Variants in USP32 observed in about 807,000 individuals in gnomAD.
USP32 encodes the protein ubiquitin carboxyl-terminal hydrolase 32.
Under a neutral mutation model 204.8 loss-of-function variants are expected in USP32, and 59 were observed. The ratio of observed to expected loss-of-function variants is 0.29; its 90% CI spans 0.23 to 0.36. The LOEUF (loss-of-function observed/expected upper bound fraction) is 0.36, where lower values mean the gene tolerates loss of function less well. Among genes scored for constraint, USP32 ranks in the 10% least tolerant of loss-of-function variants. USP32 has a pLI of 1.00. For missense variants in USP32, 1,160 were observed against 1,946.4 expected (o/e 0.60, Z 7.60); for synonymous variants, 517 against 678.4 (o/e 0.76, Z 3.70).
upstream of USP32, chr17:60,392,714 C>G: frequency 2.4e-6 from 1 of 420,982 alleles, no homozygotes; most frequent in Non-Finnish European, 4.8e-6. Flanking sequence ...AGGAGAATCT[C>G]AAGGCTTTCC....
intron 2 of USP32, among the ~76,000 whole-genome samples, chr17:60,326,770 T>G (rs982380516): frequency 1.3e-5 from 2 of 152,204 alleles, no homozygotes; most frequent in Non-Finnish European, 2.9e-5. Context: ...CCAAAGAGAC[T>G]TACTAAGTTT....
At chr17:60,278,826 A>G (rs1339933990) in intron 5 of USP32, among the ~76,000 whole-genome samples, 1 of 152,238 alleles carries the variant, frequency 6.6e-6, no homozygotes, top group South Asian at 2.1e-4. Flanking sequence ...ACTACAGTAT[A>G]GGGGATGGCA....
intron 1 of USP32, among the ~76,000 whole-genome samples, chr17:60,371,413 A>G (rs2089439318): frequency 6.6e-6 from 1 of 152,072 alleles, no homozygotes. Context: ...CTAAAAATAC[A>G]AAAATCAGCC....
chr17:60,345,122 A>G (rs8080658), intron 2 of USP32, among the ~76,000 whole-genome samples: 50,293 of 152,162 alleles, frequency 0.33, 15,191 homozygotes, highest in African/African-American at 0.81. Context: ...TTTACTATAC[A>G]GAAAATTTTC....
At chr17:60,283,315 T>A (rs1298437102) in intron 5 of USP32, among the ~76,000 whole-genome samples, 7 of 152,144 alleles carry the variant, frequency 4.6e-5, no homozygotes, top group Admixed American at 4.6e-4. Flanking sequence ...GGAAATTAAG[T>A]CAAGGATAGG....
At chr17:60,345,108 A>G (rs1305856180) in intron 2 of USP32, among the ~76,000 whole-genome samples, 1 of 152,238 alleles carries the variant, frequency 6.6e-6, no homozygotes, top group African/African-American at 2.4e-5. Context: ...AGAATTAACT[A>G]TGTTTTACTA....
At chr17:60,198,827 C>G (rs2084595274) in intron 26 of USP32, among the ~76,000 whole-genome samples, 1 of 152,174 alleles carries the variant, frequency 6.6e-6, no homozygotes, top group Admixed American at 6.5e-5. Context: ...GAAAATATGC[C>G]AGTAAGCTGG....
At chr17:60,232,707 C>T (rs1161475691) in intron 12 of USP32, among the ~76,000 whole-genome samples, 2 of 151,590 alleles carry the variant, frequency 1.3e-5, no homozygotes, top group South Asian at 2.1e-4. Flanking sequence ...CCACCATACC[C>T]GGCTAATTTT....
At chr17:60,304,783 C>T (rs2087681700) in intron 2 of USP32, 1 of 152,074 alleles carries the variant, frequency 6.6e-6, no homozygotes, top group Non-Finnish European at 1.5e-5. Context: ...AATTACGTGA[C>T]CTTAGTAATC....
At chr17:60,371,650 G>A (rs985399012) in intron 1 of USP32, among the ~76,000 whole-genome samples, 3 of 152,062 alleles carry the variant, frequency 2.0e-5, no homozygotes, top group Non-Finnish European at 2.9e-5. Context: ...ACTTAGTCAA[G>A]GAAATGCAGA....
intron 9 of USP32, among the ~76,000 whole-genome samples, chr17:60,264,809 G>T (rs942120170): frequency 7.5e-6 from 1 of 134,096 alleles, no homozygotes; most frequent in Non-Finnish European, 1.5e-5. Context: ...GCAGTGAGCT[G>T]AGATCCTGTC....
At chr17:60,217,492 A>G (rs34744213) in intron 16 of USP32, among the ~76,000 whole-genome samples, 3 of 152,084 alleles carry the variant, frequency 2.0e-5, no homozygotes, top group Non-Finnish European at 4.4e-5. Context: ...ATGGGGTTTC[A>G]CCATGTTGAC....
In USP32 at chr17:60,232,441, GGGATT is replaced by G. The variant is rs572624053; in HGVS notation, c.1239+3692_1239+3696del. 4.6e-4 allele frequency among the ~76,000 whole-genome samples: 69 copies of G among 149,482 alleles called. 1 individual carries two copies. The highest frequency in any genetic ancestry group is 4.2e-3 in the Admixed American group (63 of 15,016). On this transcript the variant is annotated intron_variant, in intron 12 of 33. Coordinates refer to ENST00000300896, the MANE Select transcript of USP32 (RefSeq NM_032582.4). ...GCCTGCCTCAGCCTCCCAAAGAGCT[GGGATT>G]GCAGGTGTGAGCCATTGCACCTGGC...
intron 1 of USP32, among the ~76,000 whole-genome samples, chr17:60,407,121 A>G (rs1370765389): frequency 6.6e-6 from 1 of 152,224 alleles, no homozygotes; most frequent in Non-Finnish European, 1.5e-5. Flanking sequence ...AATCTGGATC[A>G]TAAAATCAGA....
intron 1 of USP32, among the ~76,000 whole-genome samples, chr17:60,361,944 T>C (rs1379384373): frequency 6.6e-6 from 1 of 152,134 alleles, no homozygotes; most frequent in Non-Finnish European, 1.5e-5. Context: ...TATATGTGGG[T>C]ATGTGCCTGG....
chr17:60,265,212 T>A (rs745375442), intron 9 of USP32, among the ~76,000 whole-genome samples, 200 bp downstream of exon 9: 1 of 152,184 alleles, frequency 6.6e-6, no homozygotes, highest in Non-Finnish European at 1.5e-5. Context: ...ATAATAAATG[T>A]TTTCACATAC....
At chr17:60,318,542 G>A (rs1438705985) in intron 2 of USP32, among the ~76,000 whole-genome samples, 1 of 152,194 alleles carries the variant, frequency 6.6e-6, no homozygotes. Context: ...AGGATTTCCA[G>A]TTGAGACTCA....
At chr17:60,390,624 T>C (rs2089816837) in intron 1 of USP32, among the ~76,000 whole-genome samples, 1 of 152,244 alleles carries the variant, frequency 6.6e-6, no homozygotes. Flanking sequence ...TGTATCTTAC[T>C]GTCAGGTGAT....
intron 29 of USP32, 112 bp downstream of exon 29, chr17:60,190,451 A>C: frequency 7.2e-7 from 1 of 1,396,972 alleles, no homozygotes; most frequent in Non-Finnish European, 9.4e-7. Flanking sequence ...GATGCCAATG[A>C]AGGTTTTTCT....
Sources: allele counts gnomAD v4.1 joint callset (sites outside exome capture counted in the v4.1 genomes callset), GRCh38; gene constraint gnomAD v4.1.1; transcripts MANE v1.5; gene names NCBI Gene and HGNC (gene_info 2026-07-23, HGNC 2026-07-21).